MYOM1: variants seen among roughly 807,000 people sequenced by gnomAD.
The protein encoded by MYOM1 is myomesin 1.
In MYOM1, 164 loss-of-function variants were observed where a neutral mutation model predicts 205.3. That is an observed-to-expected ratio of 0.80 (90% CI 0.70 to 0.91). MYOM1 has a LOEUF of 0.91. MYOM1 is among the 40% of genes least tolerant of loss of function. The pLI is 0.00. For missense variants in MYOM1, 2,011 were observed against 2,127.3 expected (o/e 0.95, Z 1.08); for synonymous variants, 772 against 789.4 (o/e 0.98, Z 0.37).
the MYOM1 span, among the ~76,000 whole-genome samples, chr18:3,230,387 G>A: frequency 3.9e-5 from 6 of 152,314 alleles, no homozygotes; most frequent in East Asian, 7.7e-4. Context: ...CCCAGGTAAC[G>A]AAAGGACCAG....
At chr18:3,226,848 C>G in the MYOM1 span, among the ~76,000 whole-genome samples, 2 of 152,172 alleles carry the variant, frequency 1.3e-5, no homozygotes, top group East Asian at 1.9e-4. The surrounding 1 kb of genome is among the most constrained non-coding windows in gnomAD (Gnocchi z 4.6). Flanking sequence ...CATAGGGACT[C>G]CTTAGAGATG....
chr18:3,230,730 G>A, the MYOM1 span, among the ~76,000 whole-genome samples: 1 of 152,194 alleles, frequency 6.6e-6, no homozygotes, highest in African/African-American at 2.4e-5. Context: ...TTTAAACCCC[G>A]GAAAATTCCG....
chr18:3,091,810 C>T lies in MYOM1; in HGVS notation c.3865-1008G>A, dbSNP rs565654710. On this transcript the variant is annotated intron_variant, in intron 26 of 37. Transcript: ENST00000356443. ...GCAGTGGTGCAATCTTGGCTAATTG[C>T]AACCTCGGCCTCCCAGGTTCAAGTG... Among the ~76,000 whole-genome samples the T allele has an allele frequency of 4.6e-5, 7 of 152,214 alleles. 1 individual carries two copies. In the South Asian group the frequency reaches 1.5e-3, roughly 32 times the overall value.
rs1446314896 is a variant in MYOM1 at position 3,071,871 on chromosome 18, C to T, written c.4727G>A (p.Gly1576Glu). 1 of 1,605,652 alleles carries T rather than the reference C, an allele frequency of 6.2e-7. No individual in the cohort carries two copies. Among genetic ancestry groups the T allele is most frequent in the South Asian group, 1.1e-5 (1 of 88,948 alleles). Residue 1576 changes from glycine to glutamate, a missense_variant, in exon 37 of 38, where the codon GGA becomes GAA. Gly to Glu is a moderately conservative substitution (Grantham distance 98, BLOSUM62 -2). Coordinates refer to ENST00000356443, the MANE Select transcript of MYOM1 (RefSeq NM_003803.4). The part of the protein sequence containing the change: ...IAEKNRARVL[G>E]GLPDVVTIQE... ...GATGGTGACCACGTCTGGGAGACCT[C>T]CCAACACCCGGGCACGATCTGCAAG...
intron 36 of MYOM1, 39 bp downstream of exon 36, chr18:3,075,415 C>T: frequency 6.3e-7 from 1 of 1,584,754 alleles, no homozygotes; most frequent in Non-Finnish European, 8.7e-7. Context: ...GAATCTATCC[C>T]AGGAGTACTT....
chr18:3,181,953 C>T (rs1231656693), intron 5 of MYOM1, among the ~76,000 whole-genome samples: 2 of 151,954 alleles, frequency 1.3e-5, no homozygotes, highest in East Asian at 1.9e-4. Context: ...AGGCTGGTCT[C>T]GAACTCTGGA....
intron 3 of MYOM1, among the ~76,000 whole-genome samples, chr18:3,192,084 A>G (rs1409426672): frequency 6.6e-6 from 1 of 152,166 alleles, no homozygotes; most frequent in Non-Finnish European, 1.5e-5. Context: ...TGGACAGAGC[A>G]GGGAGAAGAT....
At chr18:3,217,655 G>A (rs1274508201) in intron 1 of MYOM1, among the ~76,000 whole-genome samples, 4 of 152,088 alleles carry the variant, frequency 2.6e-5, no homozygotes, top group Non-Finnish European at 5.9e-5. Flanking sequence ...GGAAAAGAAA[G>A]TCCTAAAAGA....
chr18:3,067,522 G>A lies in MYOM1; in HGVS notation c.4798C>T (p.Pro1600Ser), dbSNP rs2078911058. Residue 1600 changes from proline to serine, a missense_variant, in exon 38 of 38, where the codon CCG (proline) becomes TCG (serine). Transcript: ENST00000356443. ...TTCAACCACGACACCTCCGGAGGCG[G>A]GTCTCCCCACACGTTGCAAGTGAGA... ...LNLTCNVWGD[P>S]PPEVSWLKNE... The A allele has an allele frequency of 6.2e-7, 1 of 1,613,738 alleles. No individual in the cohort carries two copies. Among genetic ancestry groups the A allele is most frequent in the East Asian group, 2.2e-5 (1 of 44,874 alleles).
intron 34 of MYOM1, among the ~76,000 whole-genome samples, chr18:3,078,000 T>C (rs2079039262): frequency 6.6e-6 from 1 of 151,474 alleles, no homozygotes. Context: ...ATGAATCTGC[T>C]CTCTGAGGTT....
At chr18:3,127,143 G>T (rs2079799048) in intron 18 of MYOM1, among the ~76,000 whole-genome samples, 1 of 151,576 alleles carries the variant, frequency 6.6e-6, no homozygotes, top group Non-Finnish European at 1.5e-5. Flanking sequence ...GAAAGAAAAT[G>T]ATTCTTTTCC....
Position 3,119,943 on chromosome 18 carries a change from T to A in MYOM1, c.3044A>T (p.Asn1015Ile). 1.2e-6 allele frequency: 2 copies of A among 1,611,258 alleles called. No individual in the cohort carries two copies. The highest frequency in any genetic ancestry group is 2.2e-5 in the East Asian group (1 of 44,834). Residue 1015 changes from asparagine to isoleucine, a missense_variant, in exon 20 of 38, where the codon AAC becomes ATC. Coordinates refer to ENST00000356443, the MANE Select transcript of MYOM1 (RefSeq NM_003803.4). ...GGAGGGCGCGCCCAGCCCAGCCATG[T>A]TCATGGCTGCCACTTGGAACTGATA... The part of the protein sequence containing the change: ...MVYQFQVAAM[N>I]MAGLGAPSAV...
chr18:3,244,248 AT>A, the MYOM1 span, among the ~76,000 whole-genome samples: 1 of 152,074 alleles, frequency 6.6e-6, no homozygotes, highest in Non-Finnish European at 1.5e-5. Flanking sequence ...CTCCTCCACT[AT>A]TGAGAACCAC....
chr18:3,157,007 C>T (rs2080310100), intron 10 of MYOM1, among the ~76,000 whole-genome samples: 1 of 152,120 alleles, frequency 6.6e-6, no homozygotes. Context: ...GGTGGGGATG[C>T]TGAGGCTGAC....
At chr18:3,113,746 C>CTATCT (rs1458829928) in intron 21 of MYOM1, among the ~76,000 whole-genome samples, 1 of 32,844 alleles carries the variant, frequency 3.0e-5, no homozygotes, top group Non-Finnish European at 9.4e-5. Flanking sequence ...CTTTTAAAAG[C>CTATCT]TATGTTATAA....
Position 3,083,991 on chromosome 18 carries a change from AT to A in MYOM1, c.4375del (p.Ile1459Ter). ...GTGGTGCGAAATGTTTGACTCACCT[AT>A]TTTTTTGCATACTTCCATCATCAGT... ...KELMMEVCKKIALSATDLKIQ... is the reference protein window; with the variant it reads ...KELMMEVCKKXALSATDLKIQ... On this transcript the variant is annotated frameshift_variant, in exon 32 of 38. Coordinates refer to ENST00000356443, the MANE Select transcript of MYOM1 (RefSeq NM_003803.4). LOFTEE classifies it high-confidence loss of function. 5.0e-6 allele frequency: 8 copies of A among 1,588,474 alleles called. No homozygotes were observed. The highest frequency in any genetic ancestry group is 1.8e-5 in the Admixed American group (1 of 56,072).
chr18:3,080,466 G>A (rs2079071932), intron 33 of MYOM1, among the ~76,000 whole-genome samples: 1 of 152,038 alleles, frequency 6.6e-6, no homozygotes, highest in Non-Finnish European at 1.5e-5. Context: ...CTGAGGTCAG[G>A]AGTTCCAGAC....
chr18:3,213,811 C>T (rs552519728), intron 2 of MYOM1, among the ~76,000 whole-genome samples: 4 of 152,206 alleles, frequency 2.6e-5, no homozygotes, highest in Non-Finnish European at 5.9e-5. Context: ...AGCAGAGAAG[C>T]AACCTCAATT....
chr18:3,213,332 G>T (rs2081214056), intron 2 of MYOM1, among the ~76,000 whole-genome samples: 1 of 152,182 alleles, frequency 6.6e-6, no homozygotes, highest in African/African-American at 2.4e-5. Context: ...CCTATGCCAG[G>T]TACTTTGGAG....
Sources: gnomAD v4.1 joint callset for allele counts (sites outside exome capture counted in the v4.1 genomes callset) on GRCh38, gnomAD v4.1.1 for gene constraint, Gnocchi (gnomAD v3.1) non-coding constraint, MANE v1.5 for transcripts, NCBI Gene and HGNC (gene_info 2026-07-23, HGNC 2026-07-21) for gene names.